HS3ST4: variants seen among roughly 807,000 people sequenced by gnomAD.
The protein encoded by HS3ST4 is heparan sulfate-glucosamine 3-sulfotransferase 4.
HS3ST4 carries 17 observed loss-of-function variants against 29.2 expected under a neutral mutation model. The ratio of observed to expected loss-of-function variants is 0.58; its 90% confidence interval spans 0.40 to 0.87. The LOEUF (loss-of-function observed/expected upper bound fraction) is 0.87, where lower values mean the gene tolerates loss of function less well. HS3ST4 is among the 40% of genes least tolerant of loss of function. HS3ST4 has a pLI of 0.00. For missense variants in HS3ST4, 627 were observed against 634.5 expected (o/e 0.99, Z 0.13); for synonymous variants, 314 against 285.7 (o/e 1.10, Z -1.00).
chr16:25,920,931 T>C lies in HS3ST4; in HGVS notation c.735-214681T>C, dbSNP rs143518132. On this transcript the variant is annotated intron_variant, in intron 1 of 1. Transcript: ENST00000331351. The stretch of plus-strand genomic sequence containing the variant: ...CCACGCCCAGCCTGAAATTCTTCAC[T>C]TTTTTATGTCTTTGTTTATGTAGTC... Among the ~76,000 whole-genome samples, 686 of 152,300 alleles carry C rather than the reference T, an allele frequency of 4.5e-3. 6 individuals are homozygous for C. The highest frequency in any genetic ancestry group is 5.7e-3 in the Non-Finnish European group (387 of 68,032).
At chr16:25,802,461 C>T (rs139126011) in intron 1 of HS3ST4, among the ~76,000 whole-genome samples, 104 of 152,104 alleles carry the variant, frequency 6.8e-4, no homozygotes, top group Non-Finnish European at 1.2e-3. Context: ...CAGTATACAG[C>T]GGCAAATACA....
At chr16:25,848,956 T>C (rs1484892318) in intron 1 of HS3ST4, among the ~76,000 whole-genome samples, 3 of 152,182 alleles carry the variant, frequency 2.0e-5, no homozygotes, top group African/African-American at 4.8e-5. Context: ...AATTTAGATA[T>C]GTAGGGTTCC....
At chr16:26,098,608 T>C (rs1394376599) in intron 1 of HS3ST4, among the ~76,000 whole-genome samples, 1 of 152,012 alleles carries the variant, frequency 6.6e-6, no homozygotes, top group Non-Finnish European at 1.5e-5. Flanking sequence ...GGGGGAGGGA[T>C]GGCATTATGA....
intron 1 of HS3ST4, among the ~76,000 whole-genome samples, chr16:25,831,670 G>A (rs1967302454): frequency 6.6e-6 from 1 of 151,972 alleles, no homozygotes; most frequent in Non-Finnish European, 1.5e-5. Flanking sequence ...AATTCCACAA[G>A]AACATGGGCC....
Position 25,772,787 on chromosome 16 carries a change from C to T in HS3ST4, c.734+79636C>T, listed in dbSNP as rs146015940. Among the ~76,000 whole-genome samples the T allele has an allele frequency of 2.9e-4, 44 of 152,218 alleles. 1 individual carries two copies. In the South Asian group the frequency reaches 2.9e-3, roughly 10 times the overall value. On this transcript the variant is annotated intron_variant, in intron 1 of 1. Transcript: ENST00000331351. Reference sequence around the variant, plus strand: ...TCTCTTAGAGAGAGAGGGTGAGAAACGTTTGACATTTCATTTTCACACCTG... The same window carrying T: ...TCTCTTAGAGAGAGAGGGTGAGAAATGTTTGACATTTCATTTTCACACCTG...
At chr16:26,044,013 G>A (rs965639599) in intron 1 of HS3ST4, among the ~76,000 whole-genome samples, 1 of 152,186 alleles carries the variant, frequency 6.6e-6, no homozygotes, top group Non-Finnish European at 1.5e-5. Flanking sequence ...TTGCAGCATA[G>A]GAAATTGAAG....
intron 1 of HS3ST4, among the ~76,000 whole-genome samples, chr16:25,893,894 GT>G (rs1968034712): frequency 6.6e-6 from 1 of 152,228 alleles, no homozygotes; most frequent in Admixed American, 6.5e-5. Flanking sequence ...GTCCAGGGAA[GT>G]CCTTTCTCTA....
chr16:26,048,932 T>A (rs772868461), intron 1 of HS3ST4, among the ~76,000 whole-genome samples: 19 of 152,176 alleles, frequency 1.2e-4, no homozygotes, highest in Non-Finnish European at 1.6e-4. Flanking sequence ...GATCATACTA[T>A]GTCTGTCATA....
intron 1 of HS3ST4, among the ~76,000 whole-genome samples, chr16:26,091,516 G>A (rs1289365855): frequency 1.3e-5 from 2 of 152,066 alleles, no homozygotes; most frequent in Non-Finnish European, 2.9e-5. Context: ...TCACGTCCTT[G>A]GGCATTGATT....
intron 1 of HS3ST4, among the ~76,000 whole-genome samples, chr16:25,830,829 G>A (rs1417881373): frequency 6.6e-6 from 1 of 151,502 alleles, no homozygotes; most frequent in Non-Finnish European, 1.5e-5. Flanking sequence ...GTATAGTGAC[G>A]ACCTTCCAGC....
chr16:25,695,214 T>C (rs1567221763), intron 1 of HS3ST4, among the ~76,000 whole-genome samples: 1 of 152,198 alleles, frequency 6.6e-6, no homozygotes, highest in East Asian at 1.9e-4. Context: ...GAGGTGTGGA[T>C]AGAACAAGAT....
In HS3ST4 at chr16:25,837,365, G is replaced by T. The variant is rs115364638; in HGVS notation, c.734+144214G>T. Among the ~76,000 whole-genome samples, 1,495 of 152,196 alleles carry T rather than the reference G, an allele frequency of 9.8e-3. 27 individuals are homozygous for T. Among genetic ancestry groups the T allele is most frequent in the African/African-American group, 0.034 (1,400 of 41,530 alleles). ...ACAGACTCAGGGGGAAGTGTTTTTT[G>T]CTGGATAAGGAATATGTGAAAAAAA... is the stretch of plus-strand genomic sequence containing the variant. On this transcript the variant is annotated intron_variant, in intron 1 of 1. Coordinates refer to ENST00000331351, the MANE Select transcript of HS3ST4 (RefSeq NM_006040.3).
chr16:25,941,094 C>G (rs1228556036), intron 1 of HS3ST4, among the ~76,000 whole-genome samples: 1 of 152,138 alleles, frequency 6.6e-6, no homozygotes, highest in Non-Finnish European at 1.5e-5. Flanking sequence ...ACCATTGAGA[C>G]CAAAATAGTT....
chr16:25,827,944 T>C (rs758537197), intron 1 of HS3ST4, among the ~76,000 whole-genome samples: 10 of 152,158 alleles, frequency 6.6e-5, no homozygotes, highest in Non-Finnish European at 1.2e-4. Flanking sequence ...CAGAAGATAC[T>C]AAGTGAGGAA....
intron 1 of HS3ST4, among the ~76,000 whole-genome samples, chr16:26,052,616 C>T (rs1317081862): frequency 6.6e-6 from 1 of 152,214 alleles, no homozygotes; most frequent in African/African-American, 2.4e-5. Context: ...AGTGATCCGC[C>T]TGCCTCAGCC....
intron 1 of HS3ST4, among the ~76,000 whole-genome samples, chr16:25,941,371 C>T (rs1204903455): frequency 1.3e-5 from 2 of 152,090 alleles, no homozygotes; most frequent in East Asian, 3.9e-4. Context: ...GTTGGTCAGG[C>T]TGGTCTTGAA....
chr16:26,008,185 G>A (rs73525646), intron 1 of HS3ST4, among the ~76,000 whole-genome samples: 4,339 of 152,228 alleles, frequency 0.029, 237 homozygotes, highest in African/African-American at 0.1. Flanking sequence ...AAAGCAAGAC[G>A]CTTTTATACT....
chr16:25,888,336 A>G (rs3934987), intron 1 of HS3ST4, among the ~76,000 whole-genome samples: 49,009 of 152,052 alleles, frequency 0.32, 8,749 homozygotes, highest in East Asian at 0.71. Flanking sequence ...CAAATGATCT[A>G]ATCGGATTTT....
chr16:26,082,170 A>G (rs956544727), intron 1 of HS3ST4, among the ~76,000 whole-genome samples: 2 of 152,174 alleles, frequency 1.3e-5, no homozygotes, highest in African/African-American at 2.4e-5. Flanking sequence ...TAGAGCCTCT[A>G]TGGAGATGTG....
Sources: gnomAD v4.1 joint callset for allele counts (sites outside exome capture counted in the v4.1 genomes callset) on GRCh38, gnomAD v4.1.1 for gene constraint, MANE v1.5 for transcripts, NCBI Gene and HGNC (gene_info 2026-07-23, HGNC 2026-07-21) for gene names.